NCAM1: variants seen among roughly 807,000 people sequenced by gnomAD.
NCAM1 encodes the protein antigen recognized by monoclonal antibody 5.1H11.
Under a neutral mutation model 109.8 loss-of-function variants are expected in NCAM1, and 14 were observed. The observed-to-expected ratio is 0.13, with a 90% CI of 0.08 to 0.20. The LOEUF is 0.20. Ranked by LOEUF, NCAM1 falls within the 10% of genes least tolerant of loss-of-function variation. The pLI is 1.00. For missense variants in NCAM1, 774 were observed against 1,109.9 expected (o/e 0.70, Z 4.30); for synonymous variants, 418 against 442.9 (o/e 0.94, Z 0.70).
intron 15 of NCAM1, 44 bp from the exon 16 acceptor site, chr11:113,255,833 A>G (rs1555122175): frequency 1.2e-6 from 2 of 1,605,902 alleles, no homozygotes; most frequent in Admixed American, 1.7e-5. Flanking sequence ...TTGGATTTTC[A>G]TTCTGTGGAT....
At position 113,223,904 on chromosome 11, in the gene NCAM1, G is replaced by A. The variant is rs991058384; in HGVS notation, c.1089+2579G>A. Among the ~76,000 whole-genome samples, 11 of 152,312 alleles carry A rather than the reference G, an allele frequency of 7.2e-5. No homozygotes were observed. In the East Asian group the frequency reaches 1.2e-3, roughly 16 times the overall value. ...CTTGAGGCCACTAGTCTAGACTCAC[G>A]GGTAAAGACTTGTGTATGATGTATG... On this transcript the variant is annotated intron_variant, in intron 9 of 19. Coordinates refer to ENST00000316851, the MANE Select transcript of NCAM1 (RefSeq NM_181351.5).
At chr11:113,217,146 G>A (rs978011989) in intron 8 of NCAM1, among the ~76,000 whole-genome samples, 3 of 152,162 alleles carry the variant, frequency 2.0e-5, no homozygotes, top group East Asian at 1.9e-4. Flanking sequence ...ATAGATGTTC[G>A]GAAGGCACCT....
At chr11:112,995,369 C>T (rs536627428) in intron 1 of NCAM1, among the ~76,000 whole-genome samples, 2 of 152,092 alleles carry the variant, frequency 1.3e-5, no homozygotes, top group South Asian at 4.2e-4. Flanking sequence ...TGTTAATTAC[C>T]TAGTTATTTT....
rs1942719544 is a variant in NCAM1 at position 113,164,611 on chromosome 11, AT to A, written c.53-37767del. 3.3e-5 allele frequency among the ~76,000 whole-genome samples: 5 copies of A among 152,326 alleles called. No individual in the cohort carries two copies. The South Asian group carries it at 1.0e-3, about 32-fold the overall frequency. On this transcript the variant is annotated intron_variant, in intron 1 of 19. Coordinates refer to ENST00000316851, the MANE Select transcript of NCAM1 (RefSeq NM_181351.5). ...TACATTTACTGATTCATGATAAAGGATAAGGATATTACAGAGGATATAGTTG... is the reference window on the plus strand; with the variant it reads ...TACATTTACTGATTCATGATAAAGGAAAGGATATTACAGAGGATATAGTTG...
At chr11:113,212,842 T>C (rs1396913684) in intron 7 of NCAM1, among the ~76,000 whole-genome samples, 2 of 152,218 alleles carry the variant, frequency 1.3e-5, no homozygotes, top group African/African-American at 4.8e-5. Context: ...AAAATCGTAC[T>C]TATTAAGGAA....
At chr11:113,145,940 T>G (rs1241991113) in intron 1 of NCAM1, among the ~76,000 whole-genome samples, 1 of 152,208 alleles carries the variant, frequency 6.6e-6, no homozygotes, top group Non-Finnish European at 1.5e-5. Context: ...ACTCCTTTTT[T>G]GGGTTGGAAA....
chr11:113,264,366 G>C, intron 17 of NCAM1: 1 of 985,402 alleles, frequency 1.0e-6, no homozygotes, highest in Non-Finnish European at 1.2e-6. Flanking sequence ...AATCCCCAGC[G>C]CTCAGTTTAG....
intron 1 of NCAM1, among the ~76,000 whole-genome samples, chr11:113,169,572 G>A (rs1220713828): frequency 6.6e-6 from 1 of 151,028 alleles, no homozygotes; most frequent in Non-Finnish European, 1.5e-5. Context: ...ATGGGTCCTG[G>A]TAAGCTTGCA....
intron 1 of NCAM1, among the ~76,000 whole-genome samples, chr11:113,035,096 A>G (rs1056277900): frequency 6.6e-6 from 1 of 152,234 alleles, no homozygotes. Context: ...GAAACACAGT[A>G]AAAATAACTA....
Position 113,205,596 on chromosome 11 carries a change from T to A in NCAM1, c.420T>A (p.Asp140Glu), listed in dbSNP as rs1168333619. Residue 140 changes from aspartate (D) to glutamate (E), a missense_variant, in exon 4 of 20, where the codon GAT (aspartate) becomes GAA (glutamate). Physicochemically the swap from Asp to Glu is conservative, Grantham distance 45. This residue lies in a region of NCAM1 where 17 missense variants were observed against 54.1 expected (regional missense o/e 0.31). Coordinates refer to ENST00000316851, the MANE Select transcript of NCAM1 (RefSeq NM_181351.5). ...GGGAAGATGCCGTGATTGTGTGTGA[T>A]GTGGTCAGCTCCCTCCCACCAACCA... The part of the protein sequence containing the change: ...REGEDAVIVC[D>E]VVSSLPPTII... 3.7e-6 allele frequency: 6 copies of A among 1,613,786 alleles called. No individual in the cohort carries two copies. The Admixed American group carries it at 1.0e-4, about 27-fold the overall frequency.
intron 1 of NCAM1, among the ~76,000 whole-genome samples, chr11:113,027,448 G>A (rs1289795563): frequency 1.3e-5 from 2 of 152,168 alleles, no homozygotes; most frequent in Non-Finnish European, 2.9e-5. Context: ...GTACAGGTAT[G>A]GAAGCTGCTA....
intron 14 of NCAM1, 188 bp downstream of exon 14, chr11:113,235,352 T>G (rs782062071): frequency 1.6e-6 from 2 of 1,254,198 alleles, no homozygotes; most frequent in Non-Finnish European, 2.3e-6. Context: ...GTCCCTTCAT[T>G]CTCTCTTTCT....
intron 1 of NCAM1, among the ~76,000 whole-genome samples, chr11:113,146,156 T>A (rs1035248236): frequency 6.6e-6 from 1 of 152,334 alleles, no homozygotes; most frequent in East Asian, 1.9e-4. Context: ...ATTATTGACA[T>A]CATTGGGGAG....
At chr11:113,170,696 T>C (rs1555106053) in intron 1 of NCAM1, among the ~76,000 whole-genome samples, 1 of 152,156 alleles carries the variant, frequency 6.6e-6, no homozygotes, top group East Asian at 1.9e-4. Flanking sequence ...TATGTCTCCC[T>C]GGCCTAGTTG....
In NCAM1 at chr11:113,276,839, G is replaced by T. The variant is rs1406397920; in HGVS notation, c.*1452G>T. 1 of 151,530 alleles carries T rather than the reference G, an allele frequency of 6.6e-6. No homozygotes were observed. The highest frequency in any genetic ancestry group is 2.4e-5 in the African/African-American group (1 of 41,062). The allele number at this position is 151,530 out of a possible 1,614,324, so 9.4% of individuals were successfully genotyped here. On this transcript the variant is annotated 3_prime_UTR_variant, in exon 20 of 20. Coordinates refer to ENST00000316851, the MANE Select transcript of NCAM1 (RefSeq NM_181351.5). ...AGAAACTTTAAGGGGGATGGGAGGG[G>T]GGGGAGAAGGGAAAAGCCAGCCCTT...
chr11:113,160,383 G>A (rs140926350), intron 1 of NCAM1, among the ~76,000 whole-genome samples: 3 of 152,260 alleles, frequency 2.0e-5, no homozygotes, highest in African/African-American at 7.2e-5. Context: ...TGTTCTAATA[G>A]CAAGACATGA....
At position 113,202,409 on chromosome 11, in the gene NCAM1, A is replaced by G; in HGVS notation, c.83A>G (p.Gln28Arg). 1 of 1,613,302 alleles carries G rather than the reference A, an allele frequency of 6.2e-7. No individual in the cohort carries two copies. The highest frequency in any genetic ancestry group is 8.5e-7 in the Non-Finnish European group (1 of 1,179,744). Reference sequence around the variant, plus strand: ...CTGCAGGTGGATATTGTTCCCAGCCAGGGGGAGATCAGCGTTGGAGAGTCC... The same window carrying G: ...CTGCAGGTGGATATTGTTCCCAGCCGGGGGGAGATCAGCGTTGGAGAGTCC... ...VSLQVDIVPS[Q>R]GEISVGESKF... The change falls in exon 2 of 20, where the codon CAG becomes CGG. Residue 28 changes from glutamine (Q) to arginine (R), a missense_variant. This residue lies in a region of NCAM1 where 112 missense variants were observed against 142.0 expected (regional missense o/e 0.79). Coordinates refer to ENST00000316851, the MANE Select transcript of NCAM1 (RefSeq NM_181351.5).
chr11:112,973,789 T>C (rs1950940799), intron 1 of NCAM1, among the ~76,000 whole-genome samples: 2 of 152,126 alleles, frequency 1.3e-5, no homozygotes, highest in African/African-American at 2.4e-5. Flanking sequence ...GTATTGATTC[T>C]AATGAGAATC....
intron 9 of NCAM1, chr11:113,231,336 C>T: frequency 6.6e-7 from 1 of 1,518,434 alleles, no homozygotes; most frequent in Non-Finnish European, 8.8e-7. Context: ...CCATTTTAGA[C>T]ATCCCAAACA....
Sources: gnomAD v4.1 joint callset for allele counts (sites outside exome capture counted in the v4.1 genomes callset) on GRCh38, gnomAD v4.1.1 for gene constraint, gnomAD v4.1.1 regional missense constraint, MANE v1.5 for transcripts, NCBI Gene and HGNC (gene_info 2026-07-23, HGNC 2026-07-21) for gene names.